The following COL4A6 variants were observed in gnomAD, a reference collection of about 807,000 sequenced individuals.
COL4A6 encodes the protein collagen type IV alpha 6 chain, also known as collagen alpha-6(IV) chain.
A neutral mutation model predicts 126.7 loss-of-function variants in COL4A6; 59 were observed. That is an observed-to-expected ratio of 0.47 (90% CI 0.38 to 0.58). The LOEUF (loss-of-function observed/expected upper bound fraction) is 0.58. Ranked by LOEUF, COL4A6 falls within the 20% of genes least tolerant of loss-of-function variation. COL4A6 has a pLI of 0.00. For missense variants in COL4A6, 1,285 were observed against 1,337.3 expected (o/e 0.96, Z 0.61); for synonymous variants, 547 against 496.6 (o/e 1.10, Z -1.35).
intron 14 of COL4A6, among the ~76,000 whole-genome samples, chrX:108,196,024 A>G (rs1367237754): frequency 9.0e-6 from 1 of 111,672 alleles, no homozygotes; most frequent in East Asian, 2.8e-4. Context: ...TTCCATTTCA[A>G]ATGAGATTAT....
Position 108,405,035 on chromosome X carries a change from AAC to A in COL4A6, c.63+32905_63+32906del, listed in dbSNP as rs199541857. On this transcript the variant is annotated intron_variant, in intron 2 of 44. Transcript: ENST00000334504. Reference sequence around the variant, plus strand: ...ATGGAAAAAGAAACACACAAACACAAACACACACACACACGTAGAAGTGAAGC... The same window carrying A: ...ATGGAAAAAGAAACACACAAACACAAACACACACACACGTAGAAGTGAAGC... Among the ~76,000 whole-genome samples, 7 of 110,379 alleles carry A rather than the reference AAC, an allele frequency of 6.3e-5. No individual in the cohort carries two copies. In the East Asian group the frequency reaches 1.1e-3, roughly 18 times the overall value.
chrX:108,250,749 T>C (rs908400637), intron 3 of COL4A6, among the ~76,000 whole-genome samples: 1 of 111,598 alleles, frequency 9.0e-6, no homozygotes, highest in African/African-American at 3.3e-5. Context: ...TGGCCAGAGA[T>C]TAAGCCTGGT....
At chrX:108,334,643 A>G (rs1029351470) in intron 2 of COL4A6, among the ~76,000 whole-genome samples, 1 of 111,276 alleles carries the variant, frequency 9.0e-6, no homozygotes, top group Non-Finnish European at 1.9e-5. Flanking sequence ...AACTCACTTT[A>G]CCTTTCTTGG....
At chrX:108,167,524 C>G (rs2034166018) in intron 37 of COL4A6, among the ~76,000 whole-genome samples, 1 of 110,684 alleles carries the variant, frequency 9.0e-6, no homozygotes, top group African/African-American at 3.3e-5. Context: ...TTTGTAGAAA[C>G]AGGGTTTTAC....
chrX:108,414,142 G>T (rs1316334611), intron 2 of COL4A6, among the ~76,000 whole-genome samples: 1 of 112,182 alleles, frequency 8.9e-6, no homozygotes, highest in African/African-American at 3.2e-5. Flanking sequence ...TTAACTAAAA[G>T]ACTTTAATCA....
At chrX:108,341,132 A>G (rs777853944) in intron 2 of COL4A6, among the ~76,000 whole-genome samples, 1 of 111,284 alleles carries the variant, frequency 9.0e-6, no homozygotes, top group Admixed American at 9.5e-5. Context: ...ACCTACCTAA[A>G]CATCCATTGG....
chrX:108,351,440 C>CTGTGTGTGTGTGTGTGTGTGTGTG (rs574111228), intron 2 of COL4A6, among the ~76,000 whole-genome samples: 1 of 97,903 alleles, frequency 1.0e-5, no homozygotes, highest in East Asian at 3.7e-4. Context: ...AACTCTCTCT[C>CTGTGTGTGTGTGTGTGTGTGTGTG]TCTGTGTGTG....
intron 3 of COL4A6, among the ~76,000 whole-genome samples, chrX:108,292,993 C>CAAAAAAAAAAAAA (rs149076547): frequency 1.4e-4 from 2 of 14,557 alleles, no homozygotes; most frequent in Non-Finnish European, 1.2e-4. Context: ...AGGAAAAAAG[C>CAAAAAAAAAAAAA]AAAAAAAAAA....
intron 3 of COL4A6, among the ~76,000 whole-genome samples, chrX:108,263,566 T>C (rs1020371807): frequency 8.9e-6 from 1 of 111,860 alleles, no homozygotes; most frequent in South Asian, 3.7e-4. Flanking sequence ...TCCACAATTT[T>C]ACAAGCTCCT....
intron 16 of COL4A6, among the ~76,000 whole-genome samples, 160 bp from the exon 17 acceptor site, chrX:108,193,857 T>A (rs956491607): frequency 8.9e-5 from 10 of 112,697 alleles, no homozygotes; most frequent in Admixed American, 5.6e-4. Context: ...CAAAGTCCCA[T>A]AAATTTAAGA....
In COL4A6 at chrX:108,351,442, CTGTGTGTGTG is replaced by C. The variant is rs965452058; in HGVS notation, c.64-40624_64-40615del. ...TAAAAAAGGAGGTAACTCTCTCTCT[CTGTGTGTGTG>C]TGTGTGTGTGTGTGTGTGTGTGTGT... is the stretch of plus-strand genomic sequence containing the variant. On this transcript the variant is annotated intron_variant, in intron 2 of 44. Coordinates refer to ENST00000334504, the MANE Select transcript of COL4A6 (RefSeq NM_033641.4). Among the ~76,000 whole-genome samples the C allele has an allele frequency of 1.2e-4, 11 of 94,379 alleles. No homozygotes were observed. The South Asian group carries it at 1.6e-3, about 14-fold the overall frequency. The allele number at this position is 94,379 out of a possible 115,157, so 82.0% of individuals were successfully genotyped here.
At chrX:108,162,453 GAAAAGA>G (rs1241372243) in intron 41 of COL4A6, among the ~76,000 whole-genome samples, 13 of 85,386 alleles carry the variant, frequency 1.5e-4, no homozygotes, top group African/African-American at 4.8e-4. Context: ...AGACGAAGAA[GAAAAGA>G]AGAAGAAGAA....
intron 3 of COL4A6, chrX:108,269,018 G>A (rs911106863): frequency 3.1e-6 from 1 of 319,530 alleles, no homozygotes. Flanking sequence ...AGAAGTATGG[G>A]GAAAGAGAAC....
chrX:108,404,168 A>G (rs2041156010), intron 2 of COL4A6, among the ~76,000 whole-genome samples: 1 of 111,980 alleles, frequency 8.9e-6, no homozygotes. Context: ...TAGATTACTC[A>G]GTCTGTGGTG....
chrX:108,398,166 AATG>A (rs2041005772), intron 2 of COL4A6, among the ~76,000 whole-genome samples: 1 of 112,334 alleles, frequency 8.9e-6, no homozygotes, highest in African/African-American at 3.2e-5. Context: ...AGAACTGACT[AATG>A]ATGAATCAAT....
chrX:108,205,754 C>T (rs747785552), intron 9 of COL4A6, 59 bp from the exon 10 acceptor site: 2 of 1,024,916 alleles, frequency 2.0e-6, no homozygotes, highest in Admixed American at 4.7e-5. Flanking sequence ...TCAAAAAGAA[C>T]ACGGCATGTT....
At chrX:108,204,473 G>C in intron 11 of COL4A6, 61 bp from the exon 12 acceptor site, 3 of 997,640 alleles carry the variant, frequency 3.0e-6, no homozygotes, top group Non-Finnish European at 4.3e-6. Context: ...TTTCCAGAGT[G>C]GGGGTTTGTC....
At chrX:108,267,430 C>T (rs1198631221) in intron 3 of COL4A6, among the ~76,000 whole-genome samples, 1 of 112,266 alleles carries the variant, frequency 8.9e-6, no homozygotes, top group African/African-American at 3.2e-5. Context: ...ATTATTCTGC[C>T]TACCACAAGC....
intron 3 of COL4A6, among the ~76,000 whole-genome samples, chrX:108,302,329 C>T (rs2038510711): frequency 9.0e-6 from 1 of 111,427 alleles, no homozygotes; most frequent in Non-Finnish European, 1.9e-5. Context: ...CAATTATATA[C>T]TTAGGGCAAG....
Sources: gnomAD v4.1 joint callset for allele counts (sites outside exome capture counted in the v4.1 genomes callset) on GRCh38, gnomAD v4.1.1 for gene constraint, MANE v1.5 for transcripts, NCBI Gene and HGNC (gene_info 2026-07-23, HGNC 2026-07-21) for gene names.